UNC79: variants seen among roughly 807,000 people sequenced by gnomAD.
UNC79 encodes unc-79 subunit of NALCN channel complex.
In UNC79, 37 loss-of-function variants were observed where a neutral mutation model predicts 283.1. The ratio of observed to expected loss-of-function variants is 0.13; its 90% CI spans 0.10 to 0.17. The LOEUF (loss-of-function observed/expected upper bound fraction) is 0.17. Among genes scored for constraint, UNC79 ranks in the 10% least tolerant of loss-of-function variants. UNC79 has a pLI of 1.00. For missense variants in UNC79, 2,272 were observed against 3,211.1 expected (o/e 0.71, Z 7.07); for synonymous variants, 1,107 against 1,200.2 (o/e 0.92, Z 1.61).
At chr14:93,572,633 G>T (rs2063270963) in intron 15 of UNC79, 60 bp from the exon 16 acceptor site, 5 of 1,600,928 alleles carry the variant, frequency 3.1e-6, no homozygotes, top group Middle Eastern at 1.7e-4. Flanking sequence ...GACGGTGGTG[G>T]TATTAGTAGA....
chr14:93,568,896 T>G (rs2063058400), intron 14 of UNC79, among the ~76,000 whole-genome samples: 1 of 152,198 alleles, frequency 6.6e-6, no homozygotes, highest in Non-Finnish European at 1.5e-5. Flanking sequence ...TATAATCTCA[T>G]AGAGGCTGTG....
chr14:93,467,712 G>C (rs2057286457), exon 2 of UNC79: 5 of 1,293,226 alleles, frequency 3.9e-6, no homozygotes, highest in Non-Finnish European at 4.9e-6. Context: ...TCATAACCGG[G>C]TTCTCCACAA....
At chr14:93,375,279 G>A (rs2054531708) in intron 1 of UNC79, among the ~76,000 whole-genome samples, 1 of 152,182 alleles carries the variant, frequency 6.6e-6, no homozygotes, top group South Asian at 2.1e-4. Context: ...CTACTCAGGA[G>A]GCTGAGGTAG....
chr14:93,429,487 T>C (rs1052571954), upstream of UNC79, among the ~76,000 whole-genome samples: 1 of 152,222 alleles, frequency 6.6e-6, no homozygotes, highest in African/African-American at 2.4e-5. Context: ...ATGGGCAGTT[T>C]CCCTGTTATT....
At chr14:93,412,253 A>T (rs889987467) in intron 1 of UNC79, among the ~76,000 whole-genome samples, 2 of 152,170 alleles carry the variant, frequency 1.3e-5, no homozygotes, top group Non-Finnish European at 2.9e-5. Flanking sequence ...TAAAAGAAAA[A>T]AATAGAAAAC....
At chr14:93,654,275 G>C (rs574326422) in intron 37 of UNC79, among the ~76,000 whole-genome samples, 1 of 152,098 alleles carries the variant, frequency 6.6e-6, no homozygotes, top group South Asian at 2.1e-4. Flanking sequence ...AGGATTGCTC[G>C]AGGCCAGGAG....
Position 93,688,672 on chromosome 14 carries a change from T to A in UNC79, c.6917T>A (p.Met2306Lys), listed in dbSNP as rs2074442801. Residue 2306 changes from methionine to lysine, a missense_variant, in exon 44 of 49, where the codon ATG (methionine) becomes AAG (lysine). Around this residue, in one of 11 missense-constraint regions of UNC79, gnomAD observed 287 missense variants for 446.4 expected, o/e 0.64. Coordinates refer to ENST00000555664, the Ensembl canonical transcript of UNC79. The surrounding 1 kb of genome is among the most constrained non-coding windows in gnomAD (Gnocchi z 4.0). The stretch of plus-strand genomic sequence containing the variant: ...TACCATTCGGTTTTGTAGAGCCACA[T>A]GAAGACATGTTCCCAGCCTCTGCAT... The A allele has an allele frequency of 6.2e-7, 1 of 1,613,330 alleles. No individual in the cohort carries two copies. The highest frequency in any genetic ancestry group is 1.3e-5 in the African/African-American group (1 of 74,890).
At chr14:93,539,064 G>A (rs763306661) in intron 12 of UNC79, among the ~76,000 whole-genome samples, 30 of 150,624 alleles carry the variant, frequency 2.0e-4, no homozygotes, top group Middle Eastern at 3.4e-3. Context: ...CCCCACGCCC[G>A]GCTAATTTTT....
chr14:93,622,961 T>A, intron 30 of UNC79, 120 bp downstream of exon 32: 2 of 1,314,176 alleles, frequency 1.5e-6, no homozygotes, highest in Non-Finnish European at 2.1e-6. Flanking sequence ...GGTGTGACAT[T>A]ATAATGGCTT....
At chr14:93,694,752 C>T (rs939422177) in intron 47 of UNC79, among the ~76,000 whole-genome samples, 24 of 151,604 alleles carry the variant, frequency 1.6e-4, no homozygotes, top group Non-Finnish European at 3.1e-4. Context: ...CTTGTGTCTA[C>T]CAAAAAACAA....
intron 41 of UNC79, among the ~76,000 whole-genome samples, chr14:93,674,546 G>A (rs980458553): frequency 3.3e-5 from 5 of 152,166 alleles, no homozygotes; most frequent in Non-Finnish European, 7.3e-5. Context: ...TGGGTAAAGT[G>A]CCCAGCCATT....
intron 40 of UNC79, among the ~76,000 whole-genome samples, chr14:93,669,204 A>G (rs1486252029): frequency 6.6e-6 from 1 of 152,312 alleles, no homozygotes; most frequent in Admixed American, 6.5e-5. Flanking sequence ...GGTAAACAAG[A>G]TAATTTGAAC....
At chr14:93,648,777 A>G (rs930631189) in intron 35 of UNC79, among the ~76,000 whole-genome samples, 4 of 152,230 alleles carry the variant, frequency 2.6e-5, no homozygotes, top group East Asian at 3.8e-4. Context: ...TGGAAAGAGC[A>G]TGGTAAAAAC....
chr14:93,538,507 G>A (rs1250161124), intron 12 of UNC79, among the ~76,000 whole-genome samples: 1 of 152,172 alleles, frequency 6.6e-6, no homozygotes, highest in African/African-American at 2.4e-5. Flanking sequence ...ACATAAGCAC[G>A]TCATTGTGGT....
chr14:93,654,023 G>A (rs754513887), exon 37 of UNC79: 1 of 1,614,062 alleles, frequency 6.2e-7, no homozygotes, highest in Non-Finnish European at 8.5e-7. Flanking sequence ...TCAGCTCCTA[G>A]AGGTGGGTTT....
At chr14:93,578,363 G>C (rs547461904) in intron 18 of UNC79, among the ~76,000 whole-genome samples, 1 of 152,232 alleles carries the variant, frequency 6.6e-6, no homozygotes, top group East Asian at 1.9e-4. Context: ...GTTGGGAAGG[G>C]CAAGGTACAA....
At chr14:93,642,465 G>A (rs1330710343) in intron 33 of UNC79, among the ~76,000 whole-genome samples, 1 of 150,324 alleles carries the variant, frequency 6.7e-6, no homozygotes, top group East Asian at 1.9e-4. Flanking sequence ...TAAGGTGGAA[G>A]GGGCTGATGT....
intron 1 of UNC79, among the ~76,000 whole-genome samples, chr14:93,423,307 A>G (rs920433254): frequency 3.9e-5 from 6 of 152,202 alleles, no homozygotes; most frequent in Non-Finnish European, 7.4e-5. Context: ...TATAGATTCA[A>G]TTCAAGCCCT....
At chr14:93,492,350 G>C (rs1400273553) in intron 5 of UNC79, among the ~76,000 whole-genome samples, 4 of 151,210 alleles carry the variant, frequency 2.6e-5, no homozygotes, top group Admixed American at 2.6e-4. Flanking sequence ...TTAAATTATG[G>C]AGAGAGTTTT....
Sources: allele counts gnomAD v4.1 joint callset (sites outside exome capture counted in the v4.1 genomes callset), GRCh38; gene constraint gnomAD v4.1.1; regional missense constraint gnomAD v4.1.1; non-coding constraint Gnocchi (gnomAD v3.1); transcripts MANE v1.5; gene names NCBI Gene and HGNC (gene_info 2026-07-23, HGNC 2026-07-21).